Variants in STIM1 observed in about 807,000 individuals in gnomAD.
STIM1 encodes stromal interaction molecule 1.
STIM1 carries 25 observed loss-of-function variants against 74.7 expected under a neutral mutation model. The observed-to-expected ratio is 0.33, with a 90% CI of 0.24 to 0.47. STIM1 has a LOEUF of 0.47. Ranked by LOEUF, STIM1 falls within the 20% of genes least tolerant of loss-of-function variation. STIM1 has a pLI of 1.00. For missense variants in STIM1, 728 were observed against 920.8 expected, an observed-to-expected ratio of 0.79 and a Z score of 2.71; for synonymous variants, 328 against 348.8, an observed-to-expected ratio of 0.94 and a Z score of 0.66.
intron 3 of STIM1, among the ~76,000 whole-genome samples, chr11:4,031,289 A>G (rs575328243): frequency 3.9e-5 from 6 of 152,254 alleles, no homozygotes; most frequent in East Asian, 1.9e-4. Context: ...TTATTTACCT[A>G]TTTAGCTACT....
chr11:4,008,754 TG>T (rs2093806963), intron 2 of STIM1, among the ~76,000 whole-genome samples: 1 of 152,198 alleles, frequency 6.6e-6, no homozygotes, highest in South Asian at 2.1e-4. Flanking sequence ...TGTACATCTT[TG>T]GGATGTGGGA....
intron 2 of STIM1, among the ~76,000 whole-genome samples, chr11:3,994,006 T>C (rs2093639079): frequency 6.6e-6 from 1 of 152,166 alleles, no homozygotes; most frequent in Admixed American, 6.5e-5. Context: ...AAGTACTATC[T>C]GGGGGGGTCA....
chr11:4,038,134 A>G (rs927620904), intron 3 of STIM1, among the ~76,000 whole-genome samples: 30 of 151,384 alleles, frequency 2.0e-4, no homozygotes, highest in Non-Finnish European at 7.4e-5. Context: ...TCTTGGGTTC[A>G]AGAGATTCTC....
intron 2 of STIM1, among the ~76,000 whole-genome samples, chr11:4,014,028 G>C (rs1007354434): frequency 1.3e-5 from 2 of 151,946 alleles, no homozygotes; most frequent in Non-Finnish European, 2.9e-5. Context: ...TTTTTGAAGG[G>C]TTTTTTGTGT....
At chr11:3,955,997 G>A (rs1261928750) in intron 1 of STIM1, among the ~76,000 whole-genome samples, 5 of 150,808 alleles carry the variant, frequency 3.3e-5, no homozygotes, top group African/African-American at 1.2e-4. Flanking sequence ...GTAGTCAGGA[G>A]TTTCACTTCT....
At chr11:3,946,629 C>A (rs186648211) in intron 1 of STIM1, among the ~76,000 whole-genome samples, 101 of 152,272 alleles carry the variant, frequency 6.6e-4, no homozygotes, top group Non-Finnish European at 1.1e-3. Flanking sequence ...CAATCAGAAG[C>A]ATTTTAATTT....
At position 4,055,654 on chromosome 11, in the gene STIM1, G is replaced by A. The variant is rs200086415; in HGVS notation, c.497+17G>A. 3.2e-5 allele frequency: 50 copies of A among 1,553,956 alleles called. No individual in the cohort carries two copies. The African/African-American group carries it at 5.7e-4, about 18-fold the overall frequency. Reference sequence around the variant, plus strand: ...CATGCCAAGGTCAGGAGGGGACTGGGTTTTTCTCTGTTGAGGGTACGGGGA... The same window carrying A: ...CATGCCAAGGTCAGGAGGGGACTGGATTTTTCTCTGTTGAGGGTACGGGGA... On this transcript the variant is annotated intron_variant, in intron 4 of 12. Coordinates refer to ENST00000526596, the MANE Select transcript of STIM1 (RefSeq NM_001382567.1).
chr11:3,938,768 AC>A (rs2092968034), intron 1 of STIM1, among the ~76,000 whole-genome samples: 2 of 152,038 alleles, frequency 1.3e-5, no homozygotes, highest in Non-Finnish European at 1.5e-5. Context: ...AATTGCTTGA[AC>A]CCGGGAGGCA....
At chr11:3,931,370 A>C (rs2092857610) in intron 1 of STIM1, among the ~76,000 whole-genome samples, 1 of 152,184 alleles carries the variant, frequency 6.6e-6, no homozygotes. Flanking sequence ...GGGAACATAA[A>C]AAACAATAAG....
At chr11:4,062,275 G>C (rs898172127) in intron 5 of STIM1, among the ~76,000 whole-genome samples, 1 of 152,194 alleles carries the variant, frequency 6.6e-6, no homozygotes, top group Non-Finnish European at 1.5e-5. Context: ...CCACAAAGTG[G>C]AGAAAGTATT....
intron 1 of STIM1, among the ~76,000 whole-genome samples, chr11:3,937,268 G>A (rs1401025661): frequency 7.2e-6 from 1 of 139,092 alleles, no homozygotes; most frequent in Admixed American, 7.4e-5. Context: ...TCCATTCTGG[G>A]CAACAGAGCG....
chr11:4,084,830 C>T, intron 11 of STIM1, 65 bp downstream of exon 11: 1 of 1,221,902 alleles, frequency 8.2e-7, no homozygotes, highest in Admixed American at 2.3e-5. Flanking sequence ...ACACTCTTAC[C>T]CCATGGGTCC....
intron 4 of STIM1, among the ~76,000 whole-genome samples, chr11:4,058,407 A>G (rs2094306962): frequency 6.6e-6 from 1 of 152,320 alleles, no homozygotes; most frequent in Non-Finnish European, 1.5e-5. Flanking sequence ...AGGAGTATAA[A>G]TCACACTGTG....
In STIM1 at chr11:3,900,114, C is replaced by T. The variant is rs545715786; in HGVS notation, c.139+43705C>T. Reference sequence around the variant, plus strand: ...ATGGTACCAGTTCCTCCTTGTACCTCTGCCTAAGCAAGCCTGGGCAATGGC... The same window carrying T: ...ATGGTACCAGTTCCTCCTTGTACCTTTGCCTAAGCAAGCCTGGGCAATGGC... On this transcript the variant is annotated intron_variant, in intron 1 of 12. Transcript: ENST00000526596. Among the ~76,000 whole-genome samples, 4 of 152,284 alleles carry T rather than the reference C, an allele frequency of 2.6e-5. No homozygotes were observed. In the South Asian group the frequency reaches 8.3e-4, roughly 32 times the overall value.
intron 1 of STIM1, among the ~76,000 whole-genome samples, chr11:3,931,195 T>C (rs926538904): frequency 6.6e-6 from 1 of 151,966 alleles, no homozygotes; most frequent in Non-Finnish European, 1.5e-5. Flanking sequence ...GATCTGAAAA[T>C]TGAGAGAAAA....
chr11:4,072,134 C>T (rs111650446), intron 6 of STIM1, among the ~76,000 whole-genome samples: 2 of 152,274 alleles, frequency 1.3e-5, no homozygotes, highest in Non-Finnish European at 2.9e-5. Flanking sequence ...AACTAAGCTC[C>T]CAGCACTCCC....
At chr11:4,026,247 G>A (rs1264285648) in intron 3 of STIM1, among the ~76,000 whole-genome samples, 1 of 152,162 alleles carries the variant, frequency 6.6e-6, no homozygotes, top group Non-Finnish European at 1.5e-5. Flanking sequence ...TCTGACTAAT[G>A]TTGGGAGCCA....
intron 2 of STIM1, among the ~76,000 whole-genome samples, chr11:3,988,995 G>A (rs564622566): frequency 9.2e-5 from 14 of 152,236 alleles, no homozygotes; most frequent in African/African-American, 3.4e-4. Flanking sequence ...CTTAAATAAA[G>A]CATTTACACT....
At chr11:3,896,752 G>A (rs913698700) in intron 1 of STIM1, among the ~76,000 whole-genome samples, 10 of 152,268 alleles carry the variant, frequency 6.6e-5, no homozygotes, top group African/African-American at 2.2e-4. Context: ...CTTCTCTAGC[G>A]ATAAAGAGCA....
Sources: allele counts gnomAD v4.1 joint callset (sites outside exome capture counted in the v4.1 genomes callset), GRCh38; gene constraint gnomAD v4.1.1; transcripts MANE v1.5; gene names NCBI Gene and HGNC (gene_info 2026-07-23, HGNC 2026-07-21).